Variants in DNAH2 observed in about 807,000 individuals in gnomAD.
DNAH2 encodes dynein axonemal heavy chain 2, also known as axonemal beta dynein heavy chain 2.
A neutral mutation model predicts 523.5 loss-of-function variants in DNAH2; 323 were observed. That is an observed-to-expected ratio of 0.62 (90% CI 0.56 to 0.68). DNAH2 has a LOEUF of 0.68. DNAH2 is among the 30% of genes least tolerant of loss of function. DNAH2 has a pLI of 0.00. For missense variants in DNAH2, 4,907 were observed against 5,701.5 expected (o/e 0.86, Z 4.49); for synonymous variants, 2,093 against 2,177.4 (o/e 0.96, Z 1.08).
Position 7,754,574 on chromosome 17 carries a change from G to A in DNAH2, c.1905-2517G>A. On this transcript the variant is annotated intron_variant, in intron 12 of 85. Transcript: ENST00000572933. The surrounding 1 kb of genome is among the most constrained non-coding windows in gnomAD (Gnocchi z 4.6). ...AGAAGATGCACACCAACAATGCCAAGGCCATGAGTCCACGTGCCGAGGCTC... is the reference window on the plus strand; with the variant it reads ...AGAAGATGCACACCAACAATGCCAAAGCCATGAGTCCACGTGCCGAGGCTC... The A allele has an allele frequency of 6.7e-7, 1 of 1,483,808 alleles. No homozygotes were observed. Among genetic ancestry groups the A allele is most frequent in the Non-Finnish European group, 9.3e-7 (1 of 1,077,644 alleles). 91.9% of individuals were successfully genotyped at this position (1,483,808 alleles called of 1,614,324 possible).
intron 44 of DNAH2, among the ~76,000 whole-genome samples, chr17:7,791,410 A>G (rs1385760076): frequency 6.6e-6 from 1 of 152,156 alleles, no homozygotes; most frequent in African/African-American, 2.4e-5. Context: ...ATCATGCTAT[A>G]TACTGCAACA....
Position 7,733,307 on chromosome 17 carries a change from G to A in DNAH2, c.620G>A (p.Cys207Tyr). The A allele has an allele frequency of 1.9e-6, 3 of 1,613,938 alleles. No individual in the cohort carries two copies. The highest frequency in any genetic ancestry group is 2.5e-6 in the Non-Finnish European group (3 of 1,180,000). The change falls in exon 5 of 86, where the codon TGC (cysteine) becomes TAC (tyrosine). Residue 207 changes from cysteine (C) to tyrosine (Y), a missense_variant. Physicochemically the swap from Cys to Tyr is radical, Grantham distance 194. Transcript: ENST00000572933. Reference sequence around the variant, plus strand: ...TCTCATCTGCACAAGTTCTTGGCCTGCCTGACAGGTAAGTGGGAAGACCGG... The same window carrying A: ...TCTCATCTGCACAAGTTCTTGGCCTACCTGACAGGTAAGTGGGAAGACCGG... ...FASHLHKFLA[C>Y]LTDTRYKLEG...
At position 7,818,953 on chromosome 17, in the gene DNAH2, G is replaced by A. The variant is rs759574569; in HGVS notation, c.10705G>A (p.Asp3569Asn). The A allele has an allele frequency of 7.1e-5, 115 of 1,612,468 alleles. No individual in the cohort carries two copies. Among genetic ancestry groups the A allele is most frequent in the Non-Finnish European group, 9.1e-5 (107 of 1,179,900 alleles). ...TGAGGCCACCGGCTCCCTGCTGGAT[G>A]ATGTGCAGCTGGTGAACACGCTGCA... ...LNEATGSLLD[D>N]VQLVNTLHTS... Residue 3569 changes from aspartate (D) to asparagine (N), a missense_variant, in exon 71 of 86, where the codon GAT becomes AAT. Asp to Asn is a conservative substitution (Grantham distance 23). Around this residue, in one of 3 missense-constraint regions of DNAH2, gnomAD observed 1,851 missense variants for 2,139.4 expected, o/e 0.87. Transcript: ENST00000572933.
intron 27 of DNAH2, 99 bp downstream of exon 27, chr17:7,771,032 C>A: frequency 3.7e-6 from 5 of 1,334,344 alleles, no homozygotes; most frequent in Non-Finnish European, 5.1e-6. Flanking sequence ...ATTCTCCTAC[C>A]TTTAAAGTCA....
intron 2 of DNAH2, among the ~76,000 whole-genome samples, chr17:7,723,268 CTTTT>C (rs58689789): frequency 1.7e-5 from 1 of 59,910 alleles, no homozygotes. Context: ...CTGTACCCGG[CTTTT>C]TTTTTTTTTT....
intron 3 of DNAH2, among the ~76,000 whole-genome samples, chr17:7,724,773 G>C (rs1454362167): frequency 2.3e-4 from 29 of 126,690 alleles, no homozygotes; most frequent in African/African-American, 8.5e-4. Flanking sequence ...ATGGAGTCTT[G>C]CTTCCGTCGA....
intron 27 of DNAH2, 79 bp downstream of exon 27, chr17:7,771,012 T>G: frequency 6.7e-7 from 1 of 1,500,648 alleles, no homozygotes. Flanking sequence ...TTTGCCCTGT[T>G]ATCAGCCTCA....
chr17:7,787,110 C>A, intron 42 of DNAH2, 77 bp downstream of exon 42: 1 of 1,554,304 alleles, frequency 6.4e-7, no homozygotes, highest in Non-Finnish European at 8.7e-7. Flanking sequence ...GGGAGGAGAG[C>A]CAGAAATCTC....
chr17:7,748,340 T>C (rs2075573774), intron 12 of DNAH2, among the ~76,000 whole-genome samples: 1 of 152,312 alleles, frequency 6.6e-6, no homozygotes, highest in East Asian at 1.9e-4. Context: ...TCTCTCTTTT[T>C]TCCCCGGTCA....
At chr17:7,738,132 C>T in intron 8 of DNAH2, 2 of 703,112 alleles carry the variant, frequency 2.8e-6, no homozygotes, top group Non-Finnish European at 5.2e-6. Flanking sequence ...TATGATACGC[C>T]TCCCCTAACA....
intron 7 of DNAH2, among the ~76,000 whole-genome samples, chr17:7,736,047 C>T (rs1358307534): frequency 1.3e-5 from 2 of 152,152 alleles, no homozygotes; most frequent in South Asian, 2.1e-4. Flanking sequence ...GCCACCTCGC[C>T]CGGCCTAATT....
intron 28 of DNAH2, among the ~76,000 whole-genome samples, chr17:7,773,768 C>T (rs964302388): frequency 4.0e-5 from 6 of 151,814 alleles, no homozygotes; most frequent in African/African-American, 1.2e-4. Flanking sequence ...CTCGCTCTGT[C>T]GCCCAGGCTG....
rs2075791860 is a variant in DNAH2, at chr17:7,754,858, CTCTG to C, written c.1905-2228_1905-2225del. The C allele has an allele frequency of 1.5e-6, 1 of 654,240 alleles. No homozygotes were observed. The highest frequency in any genetic ancestry group is 2.7e-6 in the Non-Finnish European group (1 of 366,746). The allele number at this position is 654,240 out of a possible 1,614,324, so 40.5% of individuals were successfully genotyped here. A position where few individuals can be genotyped will look rare whatever the true frequency, so the allele number is the denominator to read the frequency against. ...CCTACAAAGACTTCAGAGTAGATAT[CTCTG>C]TCTGCCAACGTGAGGACAGAAGGAC... On this transcript the variant is annotated intron_variant, in intron 12 of 85. Coordinates refer to ENST00000572933, the MANE Select transcript of DNAH2 (RefSeq NM_020877.5). This position sits in a 1 kb window ranked among gnomAD's most constrained non-coding sequence, Gnocchi z 4.6.
chr17:7,722,265 A>C (rs926086571), intron 2 of DNAH2, among the ~76,000 whole-genome samples: 2 of 151,940 alleles, frequency 1.3e-5, no homozygotes, highest in Non-Finnish European at 2.9e-5. Flanking sequence ...TCAGCCTCCC[A>C]AAGTGCTGGG....
chr17:7,789,293 G>A (rs1435529553), intron 44 of DNAH2, among the ~76,000 whole-genome samples: 3 of 152,234 alleles, frequency 2.0e-5, no homozygotes, highest in African/African-American at 4.8e-5. Flanking sequence ...GAGGCTTCCC[G>A]GGTGAGCAGA....
rs770025508 is a variant in DNAH2 at position 7,804,305 on chromosome 17, C to A, written c.9022C>A (p.Arg3008=). Residue 3008 remains arginine, a synonymous_variant, in exon 59 of 86, where the codon CGG becomes AGG. Coordinates refer to ENST00000572933, the MANE Select transcript of DNAH2 (RefSeq NM_020877.5). ...QELLAQANKL[R]TGLFKIDETR... Reference sequence around the variant, plus strand: ...GCTGCTGGCCCAAGCCAATAAACTGCGGACAGGCTTGTTCAAGATCGACGA... The same window carrying A: ...GCTGCTGGCCCAAGCCAATAAACTGAGGACAGGCTTGTTCAAGATCGACGA... 9 of 1,614,040 alleles carry A rather than the reference C, an allele frequency of 5.6e-6. No homozygotes were observed. In the African/African-American group the frequency reaches 9.3e-5, roughly 17 times the overall value.
rs763172351 is a variant in DNAH2, at chr17:7,780,124, A to G, written c.5723-33A>G. 1.9e-6 allele frequency: 3 copies of G among 1,592,380 alleles called. No homozygotes were observed. In the South Asian group the frequency reaches 3.4e-5, roughly 18 times the overall value. On this transcript the variant is annotated intron_variant, in intron 36 of 85. Coordinates refer to ENST00000572933, the MANE Select transcript of DNAH2 (RefSeq NM_020877.5). The surrounding 1 kb of genome is among the most constrained non-coding windows in gnomAD (Gnocchi z 4.4). ...GGGAAGCAAATCAAGATGAGGAAATATATGATTCTAAGCAAGTGGCATTGT... is the reference window on the plus strand; with the variant it reads ...GGGAAGCAAATCAAGATGAGGAAATGTATGATTCTAAGCAAGTGGCATTGT...
At chr17:7,813,369 GTGTGAGCC>G (rs1437145695) in intron 63 of DNAH2, among the ~76,000 whole-genome samples, 11 of 151,938 alleles carry the variant, frequency 7.2e-5, no homozygotes, top group Non-Finnish European at 1.0e-4. Flanking sequence ...GGGATTACAG[GTGTGAGCC>G]ACCATGCCTG....
rs2077702297 is a variant in DNAH2, at chr17:7,817,384, A to G, written c.9989A>G (p.Asp3330Gly). ...YMGPFLTNYR[D>G]EIVNQIWIGK... ...GGACCCTTCCTGACCAACTACCGGG[A>G]TGAGATTGTCAACCAAATCTGGATC... The change falls in exon 65 of 86, where the codon GAT becomes GGT. Residue 3330 changes from aspartate (D) to glycine (G), a missense_variant. By Grantham distance (94) the Asp-to-Gly change is moderately conservative (BLOSUM62 -1). Coordinates refer to ENST00000572933, the MANE Select transcript of DNAH2 (RefSeq NM_020877.5). 1 of 1,613,666 alleles carries G rather than the reference A, an allele frequency of 6.2e-7. No individual in the cohort carries two copies. The highest frequency in any genetic ancestry group is 8.5e-7 in the Non-Finnish European group (1 of 1,179,954).
Sources: gnomAD v4.1 joint callset for allele counts (sites outside exome capture counted in the v4.1 genomes callset) on GRCh38, gnomAD v4.1.1 for gene constraint, gnomAD v4.1.1 regional missense constraint, Gnocchi (gnomAD v3.1) non-coding constraint, MANE v1.5 for transcripts, NCBI Gene and HGNC (gene_info 2026-07-23, HGNC 2026-07-21) for gene names.